Variants in CRAT observed in about 807,000 individuals in gnomAD.
CRAT encodes carnitine O-acetyltransferase, also known as carnitine acetylase.
Under a neutral mutation model 73.7 loss-of-function variants are expected in CRAT, and 66 were observed. The observed-to-expected ratio is 0.90, with a 90% CI of 0.73 to 1.10. The LOEUF is 1.10. Ranked by LOEUF, CRAT falls within the 50% of genes least tolerant of loss-of-function variation. CRAT has a pLI of 0.00. For synonymous variants in CRAT, 321 were observed against 343.2 expected (o/e 0.94, Z 0.71); for missense variants, 745 against 846.9 (o/e 0.88, Z 1.49).
In CRAT at chr9:129,106,838, C is replaced by G. The variant is rs751794055; in HGVS notation, c.291+976G>C. Among the ~76,000 whole-genome samples, 5 of 152,224 alleles carry G rather than the reference C, an allele frequency of 3.3e-5. 1 individual carries two copies. On this transcript the variant is annotated intron_variant, in intron 2 of 13. Coordinates refer to ENST00000318080, the MANE Select transcript of CRAT (RefSeq NM_000755.5). This position sits in a 1 kb window ranked among gnomAD's most constrained non-coding sequence, Gnocchi z 4.0. ...AGGTAGCTTCTCTCTCAGGCAACCC[C>G]GACTTGGCAAATTCCACCCGTGCCC...
At chr9:129,098,760 G>T in intron 8 of CRAT, 110 bp from the exon 9 acceptor site, 1 of 1,349,152 alleles carries the variant, frequency 7.4e-7, no homozygotes, top group South Asian at 1.5e-5. Context: ...GGCCAGCCCA[G>T]GGAGGTGTGA....
At chr9:129,099,149 T>G (rs1159818208) in intron 8 of CRAT, among the ~76,000 whole-genome samples, 3 of 150,324 alleles carry the variant, frequency 2.0e-5, no homozygotes, top group African/African-American at 7.3e-5. Context: ...TAACTTTTTT[T>G]TTTTTTTTTT....
rs1430281444 is a variant in CRAT, at chr9:129,108,021, G to A, written c.84C>T (p.Phe28=). Residue 28 remains phenylalanine, a synonymous_variant, in exon 2 of 14, where the codon TTC becomes TTT. Transcript: ENST00000318080. ...GTGGCAGTGCATCCTGGTGTGCCTT[G>A]AAGCGGCTGGAAGCCTTCATCAAGG... ...PFSLMKASSR[F]KAHQDALPRL... The A allele has an allele frequency of 1.9e-5, 29 of 1,553,640 alleles. No individual in the cohort carries two copies. Among genetic ancestry groups the A allele is most frequent in the Non-Finnish European group, 2.4e-5 (28 of 1,153,080 alleles).
rs148243375 is a variant in CRAT at position 129,104,214 on chromosome 9, G to C, written c.384C>G (p.Asp128Glu). ...SSPGVMLPKQ[D>E]FVDLQGQLRF... ...GGAGCTGACCCTGCAGGTCCACGAA[G>C]TCCTGCTTGGGTAGCATCACGCCTG... Residue 128 changes from aspartate to glutamate, a missense_variant, in exon 3 of 14, where the codon GAC (aspartate) becomes GAG (glutamate). Physicochemically the swap from Asp to Glu is conservative, Grantham distance 45 (BLOSUM62 2). Transcript: ENST00000318080. 2,084 of 1,611,774 alleles carry C rather than the reference G, an allele frequency of 1.3e-3. 8 individuals are homozygous for C. Among genetic ancestry groups the C allele is most frequent in the Middle Eastern group, 2.0e-3 (12 of 5,984 alleles).
chr9:129,097,179 G>A lies in CRAT; in HGVS notation c.1527+71C>T, dbSNP rs553665254. The A allele has an allele frequency of 1.3e-5, 17 of 1,353,908 alleles. No homozygotes were observed. In the African/African-American group the frequency reaches 1.5e-4, roughly 12 times the overall value. The allele number at this position is 1,353,908 out of a possible 1,614,324, so 83.9% of individuals were successfully genotyped here. A position where few individuals can be genotyped will look rare whatever the true frequency, so the allele number is the denominator to read the frequency against. ...GTTGGCAGCCATTGGCTGCAGGGAC[G>A]GACAGTCAGAGGGACAGACAGATGG... On this transcript the variant is annotated intron_variant, in intron 12 of 13. Transcript: ENST00000318080.
At position 129,110,490 on chromosome 9, in the gene CRAT, C is replaced by A; in HGVS notation, c.20G>T (p.Arg7Met). 6.3e-7 allele frequency: 1 copy of A among 1,583,958 alleles called. No homozygotes were observed. The highest frequency in any genetic ancestry group is 2.4e-5 in the East Asian group (1 of 41,976). The change falls in exon 1 of 14, where the codon AGG becomes ATG. Residue 7 changes from arginine to methionine, a missense_variant. Coordinates refer to ENST00000318080, the MANE Select transcript of CRAT (RefSeq NM_000755.5). The surrounding 1 kb of genome is among the most constrained non-coding windows in gnomAD (Gnocchi z 5.3). MLAFAA[R>M]TVVKPLGFLK... is the part of the protein sequence containing the mutation. ...GGGATCCGCCGCACTCACCACGGTCCTGGCAGCGAAGGCTAACATCTTCGC... is the reference window on the plus strand; with the variant it reads ...GGGATCCGCCGCACTCACCACGGTCATGGCAGCGAAGGCTAACATCTTCGC...
rs1306816368 is a variant in CRAT, at chr9:129,103,365, T to TACCCACAAA, written c.411-300_411-299insTTTGTGGGT. On this transcript the variant is annotated intron_variant, in intron 3 of 13. Transcript: ENST00000318080. This position sits in a 1 kb window ranked among gnomAD's most constrained non-coding sequence, Gnocchi z 4.6. Reference sequence around the variant, plus strand: ...GGAGTGTGGCTTGGTTAGGGGTCAGTGGGCTGGGTCTACCCACAAAGGGCC... The same window carrying TACCCACAAA: ...GGAGTGTGGCTTGGTTAGGGGTCAGTACCCACAAAGGGCTGGGTCTACCCACAAAGGGCC... 1.6e-4 allele frequency among the ~76,000 whole-genome samples: 25 copies of TACCCACAAA among 152,138 alleles called. No individual in the cohort carries two copies. Among genetic ancestry groups the TACCCACAAA allele is most frequent in the Non-Finnish European group, 3.2e-4 (22 of 67,960 alleles).
chr9:129,108,013 T>A lies in CRAT; in HGVS notation c.92A>T (p.His31Leu). ...LMKASSRFKA[H>L]QDALPRLPVP... ...GGGCAGCCGTGGCAGTGCATCCTGG[T>A]GTGCCTTGAAGCGGCTGGAAGCCTT... The change falls in exon 2 of 14, where the codon CAC becomes CTC. Residue 31 changes from histidine (H) to leucine (L), a missense_variant. Transcript: ENST00000318080. 1 of 1,582,098 alleles carries A rather than the reference T, an allele frequency of 6.3e-7. No individual in the cohort carries two copies. Among genetic ancestry groups the A allele is most frequent in the Non-Finnish European group, 8.6e-7 (1 of 1,166,232 alleles).
At position 129,095,217 on chromosome 9, in the gene CRAT, C is replaced by G. The variant is rs879245871; in HGVS notation, c.*180G>C. On this transcript the variant is annotated 3_prime_UTR_variant, in exon 14 of 14. Coordinates refer to ENST00000318080, the MANE Select transcript of CRAT (RefSeq NM_000755.5). ...CCCTGGCAGGTGCTGGGATGACCCA[C>G]GGAAGGCACTTGGCTGGGGCCTGCA... 40 of 680,948 alleles carry G rather than the reference C, an allele frequency of 5.9e-5. No homozygotes were observed. The highest frequency in any genetic ancestry group is 2.7e-5 in the Non-Finnish European group (11 of 410,234). The allele number at this position is 680,948 out of a possible 1,614,324, so 42.2% of individuals were successfully genotyped here.
At position 129,102,011 on chromosome 9, in the gene CRAT, G is replaced by T. The variant is rs1176306475; in HGVS notation, c.677C>A (p.Ala226Glu). The T allele has an allele frequency of 6.2e-7, 1 of 1,614,170 alleles. No homozygotes were observed. The highest frequency in any genetic ancestry group is 8.5e-7 in the Non-Finnish European group (1 of 1,180,006). The change falls in exon 6 of 14, where the codon GCG (alanine) becomes GAG (glutamate). Residue 226 changes from alanine (A) to glutamate (E), a missense_variant. Physicochemically the swap from Ala to Glu is moderately radical, Grantham distance 107. Transcript: ENST00000318080. ...CTCCAGCTGCACAAAGATCTGATCC[G>T]CAGTGAGGGGTGTCCCGTCACTGTG... ...VYHSDGTPLT[A>E]DQIFVQLEKI...
At chr9:129,096,778 G>T (rs1321914121) in intron 12 of CRAT, among the ~76,000 whole-genome samples, 1 of 152,218 alleles carries the variant, frequency 6.6e-6, no homozygotes, top group Admixed American at 6.5e-5. Context: ...CTTTAAAATG[G>T]GGATATTTGG....
chr9:129,107,961 G>A lies in CRAT; in HGVS notation c.144C>T (p.Asp48=). Reference sequence around the variant, plus strand: ...TGGGCTGCAGCGCCTTCAGGTAGTGGTCCAGGGACTGCTGGAGAGGGGGCA... The same window carrying A: ...TGGGCTGCAGCGCCTTCAGGTAGTGATCCAGGGACTGCTGGAGAGGGGGCA... The part of the protein sequence containing the change: ...LPVPPLQQSL[D]HYLKALQPIV... The change falls in exon 2 of 14, where the codon GAC becomes GAT. Residue 48 remains aspartate (D), a synonymous_variant. Coordinates refer to ENST00000318080, the MANE Select transcript of CRAT (RefSeq NM_000755.5). This position sits in a 1 kb window ranked among gnomAD's most constrained non-coding sequence, Gnocchi z 5.0. 1 of 1,607,236 alleles carries A rather than the reference G, an allele frequency of 6.2e-7. No homozygotes were observed. Among genetic ancestry groups the A allele is most frequent in the East Asian group, 2.2e-5 (1 of 44,818 alleles).
At chr9:129,105,804 G>A (rs1847977224) in intron 2 of CRAT, among the ~76,000 whole-genome samples, 1 of 152,152 alleles carries the variant, frequency 6.6e-6, no homozygotes, top group African/African-American at 2.4e-5. Context: ...GTGACAAGAT[G>A]TGGGTGACAC....
chr9:129,104,691 G>T (rs112503345), intron 2 of CRAT, among the ~76,000 whole-genome samples: 4 of 141,490 alleles, frequency 2.8e-5, no homozygotes, highest in African/African-American at 8.0e-5. Context: ...TGCAAGCTCC[G>T]CCTCCTGGGT....
chr9:129,104,172 A>G lies in CRAT; in HGVS notation c.410+16T>C. 4 of 1,592,728 alleles carry G rather than the reference A, an allele frequency of 2.5e-6. No individual in the cohort carries two copies. Among genetic ancestry groups the G allele is most frequent in the Non-Finnish European group, 3.4e-6 (4 of 1,168,704 alleles). ...GGGCCCGGCTGCCTCCTGGCCCCCA[A>G]ACCCCAGCCACTCACCGGAGCTGAC... On this transcript the variant is annotated intron_variant, in intron 3 of 13. Coordinates refer to ENST00000318080, the MANE Select transcript of CRAT (RefSeq NM_000755.5).
rs1424856149 is a variant in CRAT at position 129,110,626 on chromosome 9, T to G, written c.-117A>C. On this transcript the variant is annotated 5_prime_UTR_variant, in exon 1 of 14. Coordinates refer to ENST00000318080, the MANE Select transcript of CRAT (RefSeq NM_000755.5). This position sits in a 1 kb window ranked among gnomAD's most constrained non-coding sequence, Gnocchi z 5.3. ...CCTTGCTAGAGCCTTCGGGCCAAGG[T>G]CGCTGAGTTACAGCCGCCAGCCGGT... The G allele has an allele frequency of 1.6e-6, 2 of 1,228,578 alleles. No individual in the cohort carries two copies. Among genetic ancestry groups the G allele is most frequent in the African/African-American group, 1.6e-5 (1 of 62,452 alleles). The allele number at this position is 1,228,578 out of a possible 1,614,324, so 76.1% of individuals were successfully genotyped here. A position where few individuals can be genotyped will look rare whatever the true frequency, so the allele number is the denominator to read the frequency against.
rs747189121 is a variant in CRAT at position 129,098,343 on chromosome 9, T to C, written c.1234A>G (p.Met412Val). The part of the protein sequence containing the change: ...IMIQDLDITV[M>V]VFHHFGKDFP... ...TCTTTTCCAAAATGGTGGAACACCA[T>C]CACGGTGATATCCAGGTCCTGGATC... The change falls in exon 10 of 14, where the codon ATG (methionine) becomes GTG (valine). Residue 412 changes from methionine (M) to valine (V), a missense_variant. By Grantham distance (21) the Met-to-Val change is conservative. Transcript: ENST00000318080. 5 of 1,613,912 alleles carry C rather than the reference T, an allele frequency of 3.1e-6. No individual in the cohort carries two copies. In the Admixed American group the frequency reaches 6.7e-5, roughly 22 times the overall value.
In CRAT at chr9:129,110,306, T is replaced by A. The variant is rs537910331; in HGVS notation, c.27+177A>T. 1.5e-3 allele frequency among the ~76,000 whole-genome samples: 232 copies of A among 152,330 alleles called. No homozygotes were observed. The highest frequency in any genetic ancestry group is 3.8e-3 in the Admixed American group (58 of 15,304). ...CAGGACGTGGGTTTAATCCCGCTTC[T>A]GACCTTGCGCCCCAATCTCCTGCTC... On this transcript the variant is annotated intron_variant, in intron 1 of 13. Coordinates refer to ENST00000318080, the MANE Select transcript of CRAT (RefSeq NM_000755.5). The surrounding 1 kb of genome is among the most constrained non-coding windows in gnomAD (Gnocchi z 5.3).
chr9:129,096,255 A>C, intron 12 of CRAT, 120 bp from the exon 13 acceptor site: 2 of 1,294,092 alleles, frequency 1.5e-6, no homozygotes, highest in Non-Finnish European at 2.2e-6. Context: ...CCACAAGACC[A>C]GAGTATTCTG....
Sources: allele counts gnomAD v4.1 joint callset (sites outside exome capture counted in the v4.1 genomes callset), GRCh38; gene constraint gnomAD v4.1.1; non-coding constraint Gnocchi (gnomAD v3.1); transcripts MANE v1.5; gene names NCBI Gene and HGNC (gene_info 2026-07-23, HGNC 2026-07-21).